Variants in ACYP2 observed in about 807,000 individuals in gnomAD.
ACYP2 encodes the protein acylphosphatase-2.
In ACYP2, 12 loss-of-function variants were observed where a neutral mutation model predicts 11.2. That is an observed-to-expected ratio of 1.08 (90% CI 0.69 to 1.74). The LOEUF (loss-of-function observed/expected upper bound fraction) is 1.74, where lower values mean the gene tolerates loss of function less well. Ranked by LOEUF, ACYP2 falls within the 40% of genes most tolerant of loss-of-function variation. The probability of loss-of-function intolerance (pLI) is 0.00; values close to 1 mark genes in which losing one functional copy is unlikely to be tolerated. For synonymous variants in ACYP2, 43 were observed against 32.2 expected, an observed-to-expected ratio of 1.33 and a Z score of -1.13; for missense variants, 134 against 101.9, an observed-to-expected ratio of 1.31 and a Z score of -1.35.
At chr2:54,030,568 G>T in intron 2 of ACYP2, 1 of 154,994 alleles carries the variant, frequency 6.5e-6, no homozygotes, top group South Asian at 1.7e-4. Flanking sequence ...TTGTCAGGGA[G>T]AGTTGGCCTG....
chr2:54,041,743 T>A (rs1444192402), intron 2 of ACYP2, among the ~76,000 whole-genome samples: 1 of 152,102 alleles, frequency 6.6e-6, no homozygotes, highest in Admixed American at 6.5e-5. Context: ...CTGGGTGAGG[T>A]ATCAAATGAA....
At chr2:54,189,001 A>T (rs1036582524) in intron 6 of ACYP2, among the ~76,000 whole-genome samples, 2 of 152,216 alleles carry the variant, frequency 1.3e-5, no homozygotes, top group Admixed American at 6.5e-5. Context: ...GATCATTCCC[A>T]TTGGCAAACA....
intron 4 of ACYP2, among the ~76,000 whole-genome samples, chr2:54,121,658 A>T (rs1297261288): frequency 2.6e-5 from 4 of 152,216 alleles, no homozygotes; most frequent in Non-Finnish European, 5.9e-5. Context: ...ACCACCATTA[A>T]AGTCAAGAAA....
At chr2:54,220,605 A>G (rs752854924) in intron 6 of ACYP2, among the ~76,000 whole-genome samples, 2 of 152,192 alleles carry the variant, frequency 1.3e-5, no homozygotes, top group African/African-American at 2.4e-5. Flanking sequence ...AATAATATCA[A>G]TTACTTCTGA....
intron 4 of ACYP2, among the ~76,000 whole-genome samples, chr2:54,067,909 T>A (rs1168223103): frequency 6.6e-6 from 1 of 152,240 alleles, no homozygotes; most frequent in Non-Finnish European, 1.5e-5. Context: ...ATGCTTTGGT[T>A]ATCTTACGCA....
intron 2 of ACYP2, among the ~76,000 whole-genome samples, chr2:53,990,662 A>G (rs1050314643): frequency 6.6e-6 from 1 of 151,390 alleles, no homozygotes; most frequent in African/African-American, 2.4e-5. Context: ...CAAAAAAAAA[A>G]AAAAAGAAAA....
intron 6 of ACYP2, among the ~76,000 whole-genome samples, chr2:54,293,178 G>A (rs1008888581): frequency 6.6e-6 from 1 of 152,216 alleles, no homozygotes; most frequent in African/African-American, 2.4e-5. Flanking sequence ...CCAGGAAGTA[G>A]TAGCTGGACT....
chr2:54,144,423 C>T (rs892899497), intron 6 of ACYP2, among the ~76,000 whole-genome samples: 6 of 152,116 alleles, frequency 3.9e-5, no homozygotes, highest in Admixed American at 3.3e-4. Context: ...CGCCTGTAAC[C>T]CCAGCACTCT....
At chr2:54,102,851 T>G (rs1418308826) in intron 4 of ACYP2, among the ~76,000 whole-genome samples, 1 of 152,096 alleles carries the variant, frequency 6.6e-6, no homozygotes, top group Non-Finnish European at 1.5e-5. Flanking sequence ...TCCTGATAGC[T>G]CCAGGGTTAA....
intron 6 of ACYP2, among the ~76,000 whole-genome samples, chr2:54,166,442 C>T (rs896324502): frequency 6.6e-6 from 1 of 152,130 alleles, no homozygotes; most frequent in Non-Finnish European, 1.5e-5. Context: ...GGATTTGATC[C>T]AGAAAACTCT....
At chr2:54,037,980 G>A (rs912306838) in intron 2 of ACYP2, among the ~76,000 whole-genome samples, 4 of 152,154 alleles carry the variant, frequency 2.6e-5, no homozygotes, top group Non-Finnish European at 5.9e-5. Flanking sequence ...TCCCCAGGGT[G>A]TAAAAATCTC....
chr2:54,040,013 G>C (rs1446054187), intron 2 of ACYP2, among the ~76,000 whole-genome samples: 1 of 152,068 alleles, frequency 6.6e-6, no homozygotes, highest in Admixed American at 6.6e-5. Context: ...GAGCCACTGT[G>C]CCTGGCCCAG....
chr2:54,150,610 T>G (rs1441168635), intron 6 of ACYP2, among the ~76,000 whole-genome samples: 1 of 151,856 alleles, frequency 6.6e-6, no homozygotes, highest in African/African-American at 2.4e-5. Context: ...TTAGTAGAGA[T>G]GGGGTTTCAC....
intron 2 of ACYP2, among the ~76,000 whole-genome samples, chr2:53,996,226 C>T (rs1242666638): frequency 1.3e-5 from 2 of 152,018 alleles, no homozygotes; most frequent in Non-Finnish European, 2.9e-5. Flanking sequence ...ATAGATACAT[C>T]CAGCTTTTCT....
At chr2:54,065,764 T>A (rs569571596) in intron 4 of ACYP2, 1 of 357,186 alleles carries the variant, frequency 2.8e-6, no homozygotes, top group Non-Finnish European at 5.0e-6. Flanking sequence ...CTCTACATTT[T>A]GCTTTCTATT....
chr2:54,173,036 T>A, intron 6 of ACYP2, among the ~76,000 whole-genome samples: 1 of 152,184 alleles, frequency 6.6e-6, no homozygotes, highest in Middle Eastern at 3.2e-3. Context: ...TAGCAGCATG[T>A]TTTATAATCC....
At chr2:54,081,198 G>A (rs1275324848) in intron 4 of ACYP2, among the ~76,000 whole-genome samples, 3 of 152,136 alleles carry the variant, frequency 2.0e-5, no homozygotes, top group Non-Finnish European at 4.4e-5. Context: ...TTATAATACT[G>A]CTATAGTTTG....
chr2:54,061,295 C>T (rs561570641), intron 4 of ACYP2, among the ~76,000 whole-genome samples: 1 of 152,278 alleles, frequency 6.6e-6, no homozygotes, highest in African/African-American at 2.4e-5. Context: ...GGGTTATTTT[C>T]CTCCTTCCTG....
At chr2:54,043,140 C>A (rs1194928135) in intron 2 of ACYP2, among the ~76,000 whole-genome samples, 1 of 152,030 alleles carries the variant, frequency 6.6e-6, no homozygotes, top group Non-Finnish European at 1.5e-5. Flanking sequence ...GTTGTGTACA[C>A]ATAGAAAATG....
Sources: allele counts gnomAD v4.1 joint callset (sites outside exome capture counted in the v4.1 genomes callset), GRCh38; gene constraint gnomAD v4.1.1; transcripts MANE v1.5; gene names NCBI Gene and HGNC (gene_info 2026-07-23, HGNC 2026-07-21).